Variants in KDM3B observed in about 807,000 individuals in gnomAD.
KDM3B encodes the protein lysine demethylase 3B.
KDM3B carries 10 observed loss-of-function variants against 170.0 expected under a neutral mutation model. The ratio of observed to expected loss-of-function variants is 0.06; its 90% CI spans 0.04 to 0.10. KDM3B has a LOEUF of 0.10. Among genes scored for constraint, KDM3B ranks in the 10% least tolerant of loss-of-function variants. KDM3B has a pLI of 1.00. For missense variants in KDM3B, 1,394 were observed against 2,195.2 expected, an observed-to-expected ratio of 0.64 and a Z score of 7.29; for synonymous variants, 831 against 834.8, an observed-to-expected ratio of 1.00 and a Z score of 0.08.
intron 1 of KDM3B, 130 bp downstream of exon 1, chr5:138,353,117 C>G (rs563501195): frequency 1.3e-6 from 1 of 780,312 alleles, no homozygotes; most frequent in Admixed American, 4.5e-5. Flanking sequence ...CTCCTTAGCG[C>G]CCCCCGCCGG....
intron 1 of KDM3B, among the ~76,000 whole-genome samples, chr5:138,359,306 C>T (rs1037611602): frequency 2.6e-5 from 4 of 151,746 alleles, no homozygotes; most frequent in South Asian, 4.2e-4. Context: ...TGATTACAGG[C>T]GTGTGCCACC....
intron 1 of KDM3B, among the ~76,000 whole-genome samples, chr5:138,356,469 T>C (rs1489314550): frequency 6.6e-6 from 1 of 152,162 alleles, no homozygotes; most frequent in Non-Finnish European, 1.5e-5. Context: ...TTGTCCTTTT[T>C]TTCCATGTGT....
At chr5:138,417,785 CCT>C (rs1268799540) in intron 13 of KDM3B, 175 bp downstream of exon 13, 4 of 597,612 alleles carry the variant, frequency 6.7e-6, no homozygotes, top group Non-Finnish European at 8.8e-6. Flanking sequence ...TTTAATTACC[CCT>C]GATTGGTACA....
intron 17 of KDM3B, 31 bp from the exon 18 acceptor site, chr5:138,426,944 G>A (rs780880842): frequency 6.5e-7 from 1 of 1,543,082 alleles, no homozygotes. Flanking sequence ...CAAACCAGCA[G>A]ATGTTTGTGG....
At chr5:138,423,131 A>G (rs1005031554) in intron 15 of KDM3B, among the ~76,000 whole-genome samples, 9 of 152,134 alleles carry the variant, frequency 5.9e-5, no homozygotes, top group African/African-American at 2.2e-4. Context: ...TTTAGTAGAG[A>G]CAGGGTTGGC....
chr5:138,364,418 G>A lies in KDM3B; in HGVS notation c.193-8256G>A, dbSNP rs187072705. Among the ~76,000 whole-genome samples the A allele has an allele frequency of 2.1e-3, 317 of 151,722 alleles. 2 individuals carry two copies. The highest frequency in any genetic ancestry group is 7.3e-3 in the African/African-American group (300 of 41,376). On this transcript the variant is annotated intron_variant, in intron 1 of 23. Coordinates refer to ENST00000314358, the MANE Select transcript of KDM3B (RefSeq NM_016604.4). ...TGAGTAATTTAACTCTTCTCTTTTC[G>A]TTGGCTATTAAAGTTGTTTCAGATT...
At chr5:138,416,175 G>T (rs1763098918) in intron 12 of KDM3B, among the ~76,000 whole-genome samples, 1 of 152,204 alleles carries the variant, frequency 6.6e-6, no homozygotes, top group Middle Eastern at 3.2e-3. Context: ...CACAATCCCA[G>T]TTTACTTCAG....
chr5:138,363,016 G>A (rs1761653904), intron 1 of KDM3B, among the ~76,000 whole-genome samples: 1 of 150,332 alleles, frequency 6.7e-6, no homozygotes, highest in African/African-American at 2.5e-5. Flanking sequence ...ACTTTTCCTT[G>A]TTGTGATGCC....
At chr5:138,375,604 T>C (rs1212437564) in intron 3 of KDM3B, among the ~76,000 whole-genome samples, 1 of 152,112 alleles carries the variant, frequency 6.6e-6, no homozygotes, top group African/African-American at 2.4e-5. Context: ...GGTCTTGATC[T>C]CCTGACCTCG....
At position 138,424,101 on chromosome 5, in the gene KDM3B, C is replaced by A; in HGVS notation, c.3999C>A (p.Pro1333=). The A allele has an allele frequency of 1.3e-6, 2 of 1,581,782 alleles. No individual in the cohort carries two copies. The highest frequency in any genetic ancestry group is 1.7e-6 in the Non-Finnish European group (2 of 1,159,728). ...GAGTGAAGAGCAAGGCCAGCCTACCCAACTTTCTTGACCACATCATTGCCT... is the reference window on the plus strand; with the variant it reads ...GAGTGAAGAGCAAGGCCAGCCTACCAAACTTTCTTGACCACATCATTGCCT... ...SAGVKSKASL[P]NFLDHIIASV... The change falls in exon 16 of 24, where the codon CCC becomes CCA. Residue 1333 remains proline (P), a synonymous_variant. Transcript: ENST00000314358.
Position 138,435,846 on chromosome 5 carries a change from T to C in KDM3B, c.*146T>C, listed in dbSNP as rs1174010037. The C allele has an allele frequency of 3.1e-6, 2 of 643,556 alleles. No individual in the cohort carries two copies. The highest frequency in any genetic ancestry group is 1.8e-5 in the South Asian group (1 of 55,084). The allele number at this position is 643,556 out of a possible 1,614,324, so 39.9% of individuals were successfully genotyped here. On this transcript the variant is annotated 3_prime_UTR_variant, in exon 24 of 24. Coordinates refer to ENST00000314358, the MANE Select transcript of KDM3B (RefSeq NM_016604.4). ...TCCAAACTCTCCAGCCACTCTCTTCTACGCTGCCTCAACACTGAAGGTTGA... is the reference window on the plus strand; with the variant it reads ...TCCAAACTCTCCAGCCACTCTCTTCCACGCTGCCTCAACACTGAAGGTTGA...
intron 1 of KDM3B, among the ~76,000 whole-genome samples, chr5:138,354,215 C>T (rs1761398352): frequency 6.6e-6 from 1 of 151,946 alleles, no homozygotes; most frequent in Non-Finnish European, 1.5e-5. Context: ...TACTTGGGTT[C>T]ATTTGCTTTG....
chr5:138,385,931 G>T (rs1389166071), intron 6 of KDM3B, 91 bp from the exon 7 acceptor site: 48 of 1,451,940 alleles, frequency 3.3e-5, no homozygotes, highest in Non-Finnish European at 4.3e-5. Flanking sequence ...TGCCTGCTTT[G>T]TCTGCTTCTA....
intron 12 of KDM3B, 101 bp downstream of exon 12, chr5:138,415,340 T>G: frequency 1.7e-6 from 1 of 579,146 alleles, no homozygotes; most frequent in South Asian, 3.1e-5. Context: ...CATTTTTTCT[T>G]TTAAGCATCA....
intron 1 of KDM3B, among the ~76,000 whole-genome samples, chr5:138,360,418 T>C (rs1432134818): frequency 6.6e-6 from 1 of 152,172 alleles, no homozygotes; most frequent in Non-Finnish European, 1.5e-5. Flanking sequence ...ACTCATCATC[T>C]TAACTCTCCC....
chr5:138,384,740 C>CAA (rs58389517), intron 6 of KDM3B, among the ~76,000 whole-genome samples: 41 of 85,816 alleles, frequency 4.8e-4, no homozygotes, highest in Non-Finnish European at 6.0e-4. Flanking sequence ...ACTCTTGTCT[C>CAA]AAAAAAAAAA....
intron 1 of KDM3B, among the ~76,000 whole-genome samples, chr5:138,364,580 A>G (rs1328376293): frequency 6.6e-6 from 1 of 152,036 alleles, no homozygotes; most frequent in Non-Finnish European, 1.5e-5. Flanking sequence ...TTCTTGATAT[A>G]TAGCAATTAA....
At chr5:138,417,830 G>A in intron 13 of KDM3B, 1 of 451,016 alleles carries the variant, frequency 2.2e-6, no homozygotes, top group South Asian at 3.3e-5. Flanking sequence ...GTTCATGGTT[G>A]ACTGATAGCA....
chr5:138,424,111 G>T lies in KDM3B; in HGVS notation c.4009G>T (p.Asp1337Tyr). 1 of 1,598,044 alleles carries T rather than the reference G, an allele frequency of 6.3e-7. No homozygotes were observed. Among genetic ancestry groups the T allele is most frequent in the South Asian group, 1.1e-5 (1 of 89,178 alleles). Residue 1337 changes from aspartate (D) to tyrosine (Y), a missense_variant, in exon 16 of 24, where the codon GAC becomes TAC. Coordinates refer to ENST00000314358, the MANE Select transcript of KDM3B (RefSeq NM_016604.4). ...KSKASLPNFL[D>Y]HIIASVVENK... is the part of the protein sequence containing the mutation. Reference sequence around the variant, plus strand: ...CAAGGCCAGCCTACCCAACTTTCTTGACCACATCATTGCCTCAGTGGTAGA... The same window carrying T: ...CAAGGCCAGCCTACCCAACTTTCTTTACCACATCATTGCCTCAGTGGTAGA...
Sources: gnomAD v4.1 joint callset for allele counts (sites outside exome capture counted in the v4.1 genomes callset) on GRCh38, gnomAD v4.1.1 for gene constraint, MANE v1.5 for transcripts, NCBI Gene and HGNC (gene_info 2026-07-23, HGNC 2026-07-21) for gene names.